CAAP1: variants seen among roughly 807,000 people sequenced by gnomAD.
The protein encoded by CAAP1 is caspase activity and apoptosis inhibitor 1.
Under a neutral mutation model 34.0 loss-of-function variants are expected in CAAP1, and 20 were observed. That is an observed-to-expected ratio of 0.59 (90% CI 0.41 to 0.86). The LOEUF (loss-of-function observed/expected upper bound fraction) is 0.86. Ranked by LOEUF, CAAP1 falls within the 40% of genes least tolerant of loss-of-function variation. CAAP1 has a pLI of 0.00. For missense variants in CAAP1, 538 were observed against 450.5 expected (o/e 1.19, Z -1.76); for synonymous variants, 213 against 166.7 (o/e 1.28, Z -2.14).
At chr9:26,852,493 G>A (rs546562884) in intron 5 of CAAP1, among the ~76,000 whole-genome samples, 1 of 152,018 alleles carries the variant, frequency 6.6e-6, no homozygotes, top group Admixed American at 6.5e-5. Context: ...TGAGAGAAGA[G>A]GGGAGGTGAA....
chr9:26,890,830 A>G (rs1487947898), intron 1 of CAAP1, among the ~76,000 whole-genome samples: 1 of 152,176 alleles, frequency 6.6e-6, no homozygotes, highest in East Asian at 1.9e-4. Context: ...CTGCAGTCCC[A>G]GCTACTCGGG....
Position 26,892,441 on chromosome 9 carries a change from G to T in CAAP1, c.275C>A (p.Ser92Tyr). ...SERRKRRSTD[S>Y]SSVSGSLQQE... is the part of the protein sequence containing the mutation. ...CTGCAAGGAGCCCGAGACGCTGGAA[G>T]AGTCGGTACTCCTCCGCTTCCGGCG... Residue 92 changes from serine to tyrosine, a missense_variant, in exon 1 of 6, where the codon TCT becomes TAT. Ser to Tyr is a moderately radical substitution (Grantham distance 144, BLOSUM62 -2). Around this residue, in one of 3 missense-constraint regions of CAAP1, gnomAD observed 514 missense variants for 408.4 expected, o/e 1.26. Coordinates refer to ENST00000333916, the MANE Select transcript of CAAP1 (RefSeq NM_024828.4). 1 of 1,599,450 alleles carries T rather than the reference G, an allele frequency of 6.3e-7. No individual in the cohort carries two copies.
chr9:26,846,123 G>A (rs762615451), intron 5 of CAAP1, among the ~76,000 whole-genome samples: 26 of 151,992 alleles, frequency 1.7e-4, no homozygotes, highest in Non-Finnish European at 3.5e-4. Flanking sequence ...ACTCAAGAAA[G>A]AGTTACACTT....
Position 26,873,173 on chromosome 9 carries a change from T to C in CAAP1, c.665+11637A>G, listed in dbSNP as rs531569292. Among the ~76,000 whole-genome samples, 5 of 152,316 alleles carry C rather than the reference T, an allele frequency of 3.3e-5. No homozygotes were observed. The South Asian group carries it at 8.3e-4, about 25-fold the overall frequency. On this transcript the variant is annotated intron_variant, in intron 4 of 5. Transcript: ENST00000333916. ...GAGGCTGAGGTGGGAGGATCACTTA[T>C]CACTTCAGCAGTGACCCGTGATTGA...
At chr9:26,887,035 G>C (rs1823762386) in intron 2 of CAAP1, among the ~76,000 whole-genome samples, 2 of 152,078 alleles carry the variant, frequency 1.3e-5, no homozygotes, top group South Asian at 2.1e-4. Context: ...CCAACACGGT[G>C]AAACCCCGTC....
intron 5 of CAAP1, among the ~76,000 whole-genome samples, chr9:26,856,668 C>G (rs1243724554): frequency 6.6e-6 from 1 of 152,178 alleles, no homozygotes. Context: ...AGGCAGTCCA[C>G]TGTGTTAGAC....
chr9:26,873,828 C>T (rs1295694250), intron 4 of CAAP1, among the ~76,000 whole-genome samples: 1 of 152,132 alleles, frequency 6.6e-6, no homozygotes, highest in Non-Finnish European at 1.5e-5. Flanking sequence ...TTTTAGACAA[C>T]CCGAAATAAA....
intron 5 of CAAP1, among the ~76,000 whole-genome samples, chr9:26,856,101 T>C (rs1327912766): frequency 2.0e-5 from 3 of 147,958 alleles, no homozygotes; most frequent in African/African-American, 5.0e-5. Flanking sequence ...GGTGTGGGCA[T>C]GAGCCTGGCC....
chr9:26,886,734 C>T (rs975395694), intron 2 of CAAP1, among the ~76,000 whole-genome samples: 4 of 152,146 alleles, frequency 2.6e-5, no homozygotes, highest in African/African-American at 7.2e-5. Flanking sequence ...GATTGTATGT[C>T]CAATTTAGTT....
rs1554652213 is a variant in CAAP1, at chr9:26,876,472, G to GGTTT, written c.665+8337_665+8338insAAAC. Reference sequence around the variant, plus strand: ...TTCTATCATATATGCATTCTAGAAGGTTTTTTTTTTTTTTTTTTTGAGATT... The same window carrying GGTTT: ...TTCTATCATATATGCATTCTAGAAGGGTTTTTTTTTTTTTTTTTTTTTTGAGATT... On this transcript the variant is annotated intron_variant, in intron 4 of 5. Transcript: ENST00000333916. Among the ~76,000 whole-genome samples the GGTTT allele has an allele frequency of 2.6e-4, 33 of 125,718 alleles. 1 individual carries two copies. The highest frequency in any genetic ancestry group is 1.5e-3 in the East Asian group (7 of 4,578). The allele number at this position is 125,718 out of a possible 152,430, so 82.5% of individuals were successfully genotyped here. A position where few individuals can be genotyped will look rare whatever the true frequency, so the allele number is the denominator to read the frequency against.
intron 5 of CAAP1, among the ~76,000 whole-genome samples, chr9:26,846,977 G>A (rs1054077861): frequency 4.6e-5 from 7 of 151,898 alleles, no homozygotes; most frequent in Non-Finnish European, 8.8e-5. Context: ...ATGAGCCACT[G>A]CGCCCGGCCA....
intron 4 of CAAP1, among the ~76,000 whole-genome samples, chr9:26,875,574 A>G (rs1278855747): frequency 6.6e-6 from 1 of 152,248 alleles, no homozygotes; most frequent in Non-Finnish European, 1.5e-5. Flanking sequence ...GTCTCAGTTG[A>G]TAAGAAGCTG....
chr9:26,843,108 C>A (rs980996266), intron 5 of CAAP1, among the ~76,000 whole-genome samples: 1 of 152,196 alleles, frequency 6.6e-6, no homozygotes, highest in Non-Finnish European at 1.5e-5. Flanking sequence ...CATCAGCAAG[C>A]AGGACAACAT....
intron 2 of CAAP1, among the ~76,000 whole-genome samples, chr9:26,886,854 T>C (rs894706992): frequency 1.3e-5 from 2 of 152,172 alleles, no homozygotes. Flanking sequence ...AAGAACCAAA[T>C]ATATTATGGT....
chr9:26,851,299 G>A (rs1053543434), intron 5 of CAAP1, among the ~76,000 whole-genome samples: 86 of 152,280 alleles, frequency 5.6e-4, no homozygotes, highest in Non-Finnish European at 1.5e-4. Context: ...TTAAGAATGG[G>A]TACAATCTAA....
rs751954666 is a variant in CAAP1 at position 26,861,021 on chromosome 9, T to A, written c.739+45A>T. 1.6e-5 allele frequency: 22 copies of A among 1,335,862 alleles called. No individual in the cohort carries two copies. In the South Asian group the frequency reaches 2.6e-4, roughly 16 times the overall value. 82.8% of individuals were successfully genotyped at this position (1,335,862 alleles called of 1,614,324 possible). ...ATTTATTTTTGGTAAAATGCTTCTA[T>A]TCTTCAGGTAAATTTTATACAATAA... On this transcript the variant is annotated intron_variant, in intron 5 of 5. Coordinates refer to ENST00000333916, the MANE Select transcript of CAAP1 (RefSeq NM_024828.4).
chr9:26,860,178 T>G (rs1001043793), intron 5 of CAAP1, among the ~76,000 whole-genome samples: 2 of 152,200 alleles, frequency 1.3e-5, no homozygotes, highest in African/African-American at 4.8e-5. Context: ...AGCTGGCATT[T>G]GAGTAACTAA....
intron 5 of CAAP1, among the ~76,000 whole-genome samples, chr9:26,855,798 C>G (rs1213526432): frequency 6.6e-6 from 1 of 152,034 alleles, no homozygotes; most frequent in Non-Finnish European, 1.5e-5. Context: ...GCTGCTTTCC[C>G]TAATGAACTG....
At chr9:26,857,843 T>C (rs1369247165) in intron 5 of CAAP1, among the ~76,000 whole-genome samples, 1 of 152,076 alleles carries the variant, frequency 6.6e-6, no homozygotes, top group African/African-American at 2.4e-5. Context: ...AAAAATATTT[T>C]CTAGCAACAA....
Sources: gnomAD v4.1 joint callset for allele counts (sites outside exome capture counted in the v4.1 genomes callset) on GRCh38, gnomAD v4.1.1 for gene constraint, gnomAD v4.1.1 regional missense constraint, MANE v1.5 for transcripts, NCBI Gene and HGNC (gene_info 2026-07-23, HGNC 2026-07-21) for gene names.